The following OTULINL variants were observed in gnomAD, a reference collection of about 807,000 sequenced individuals.
OTULINL encodes the protein inactive ubiquitin thioesterase OTULINL.
OTULINL carries 42 observed loss-of-function variants against 43.9 expected under a neutral mutation model. The observed-to-expected ratio is 0.96, with a 90% CI of 0.75 to 1.24. The LOEUF is 1.24. Ranked by LOEUF, OTULINL falls within the 50% of genes most tolerant of loss-of-function variation. The pLI is 0.00. For synonymous variants in OTULINL, 172 were observed against 153.6 expected (o/e 1.12, Z -0.88); for missense variants, 411 against 426.4 (o/e 0.96, Z 0.32).
chr5:14,595,386 C>T (rs961227341), intron 1 of OTULINL, among the ~76,000 whole-genome samples: 1 of 152,200 alleles, frequency 6.6e-6, no homozygotes, highest in Non-Finnish European at 1.5e-5. Context: ...CCAGACGCTG[C>T]TGAGTTTCCA....
intron 5 of OTULINL, among the ~76,000 whole-genome samples, chr5:14,606,131 T>G (rs1008146981): frequency 6.6e-6 from 1 of 152,206 alleles, no homozygotes; most frequent in Non-Finnish European, 1.5e-5. Flanking sequence ...CAGTTCCATG[T>G]GGCTGGGGAA....
In OTULINL at chr5:14,610,560, G is replaced by A; in HGVS notation, c.*246G>A. On this transcript the variant is annotated 3_prime_UTR_variant, in exon 8 of 8. Coordinates refer to ENST00000274217, the MANE Select transcript of OTULINL (RefSeq NM_019018.3). ...CTTGACTTTGTCCATAAGGGGCGTGGCCACTTCACATGATGGCGGGCCTTT... is the reference window on the plus strand; with the variant it reads ...CTTGACTTTGTCCATAAGGGGCGTGACCACTTCACATGATGGCGGGCCTTT... 1 of 386,432 alleles carries A rather than the reference G, an allele frequency of 2.6e-6. No homozygotes were observed. Among genetic ancestry groups the A allele is most frequent in the Non-Finnish European group, 4.7e-6 (1 of 210,728 alleles). The allele number at this position is 386,432 out of a possible 1,614,324, so 23.9% of individuals were successfully genotyped here. A position where few individuals can be genotyped will look rare whatever the true frequency, so the allele number is the denominator to read the frequency against.
At chr5:14,603,130 A>G (rs1474898721) in intron 5 of OTULINL, among the ~76,000 whole-genome samples, 1 of 152,192 alleles carries the variant, frequency 6.6e-6, no homozygotes, top group Admixed American at 6.5e-5. Context: ...ATGCATGTTC[A>G]ATTGAATGTG....
intron 7 of OTULINL, 55 bp downstream of exon 7, chr5:14,609,072 T>A: frequency 1.1e-5 from 17 of 1,558,662 alleles, no homozygotes; most frequent in Non-Finnish European, 1.5e-5. Flanking sequence ...TGGCACTATT[T>A]GAACACAGAG....
At chr5:14,608,223 G>T (rs1759514446) in intron 6 of OTULINL, among the ~76,000 whole-genome samples, 1 of 152,190 alleles carries the variant, frequency 6.6e-6, no homozygotes, top group Non-Finnish European at 1.5e-5. Context: ...TTTATGGTCA[G>T]CTTAGGCTTC....
intron 1 of OTULINL, among the ~76,000 whole-genome samples, chr5:14,598,190 G>A (rs947551936): frequency 6.6e-6 from 1 of 152,190 alleles, no homozygotes; most frequent in Non-Finnish European, 1.5e-5. Flanking sequence ...GCATGTGTCC[G>A]TGGAGGGGGC....
At chr5:14,593,012 C>T (rs1759231181) in intron 1 of OTULINL, among the ~76,000 whole-genome samples, 2 of 152,192 alleles carry the variant, frequency 1.3e-5, no homozygotes, top group South Asian at 4.1e-4. Context: ...CATTCCTTTC[C>T]TCTGGAGCGT....
intron 1 of OTULINL, among the ~76,000 whole-genome samples, chr5:14,593,243 C>T (rs918339816): frequency 3.3e-5 from 5 of 152,132 alleles, no homozygotes; most frequent in African/African-American, 4.8e-5. Context: ...CAGGATGGAG[C>T]GAGTTGCCAG....
At position 14,601,110 on chromosome 5, in the gene OTULINL, G is replaced by C; in HGVS notation, c.210G>C (p.Gly70=). 1 of 1,611,544 alleles carries C rather than the reference G, an allele frequency of 6.2e-7. No homozygotes were observed. Among genetic ancestry groups the C allele is most frequent in the South Asian group, 1.1e-5 (1 of 90,528 alleles). ...CYFRRLHLYS[G]HKLKWWIGYL... ...TCCGGAGGCTACATTTATATTCAGG[G>C]CACAAGCTGAAATGGTAGGTCACTG... Residue 70 remains glycine (G), a synonymous_variant, in exon 2 of 8, where the codon GGG becomes GGC. Coordinates refer to ENST00000274217, the MANE Select transcript of OTULINL (RefSeq NM_019018.3).
chr5:14,614,799 A>G lies in OTULINL; in HGVS notation c.*4485A>G, dbSNP rs1759644272. 3 of 398,426 alleles carry G rather than the reference A, an allele frequency of 7.5e-6. No homozygotes were observed. The highest frequency in any genetic ancestry group is 1.3e-5 in the Non-Finnish European group (3 of 226,060). 24.7% of individuals were successfully genotyped at this position (398,426 alleles called of 1,614,324 possible). The stretch of plus-strand genomic sequence containing the variant: ...ACTGCTATAGAATGCTAAAGTTATA[A>G]TCCTAGCTGGTGTCTCGTTCTGTTT... On this transcript the variant is annotated 3_prime_UTR_variant, in exon 8 of 8. Coordinates refer to ENST00000274217, the MANE Select transcript of OTULINL (RefSeq NM_019018.3).
intron 5 of OTULINL, among the ~76,000 whole-genome samples, chr5:14,604,732 G>A (rs1253619608): frequency 6.6e-6 from 1 of 152,198 alleles, no homozygotes; most frequent in Non-Finnish European, 1.5e-5. Context: ...AAATCCAGCA[G>A]GGCAGTCAAA....
At chr5:14,584,283 C>A (rs920667325) in intron 1 of OTULINL, among the ~76,000 whole-genome samples, 1 of 152,156 alleles carries the variant, frequency 6.6e-6, no homozygotes, top group Non-Finnish European at 1.5e-5. Context: ...TCCATCTGTT[C>A]AGTGGTAACA....
intron 1 of OTULINL, among the ~76,000 whole-genome samples, chr5:14,592,847 T>C (rs1318219643): frequency 6.6e-6 from 1 of 152,212 alleles, no homozygotes; most frequent in Non-Finnish European, 1.5e-5. Flanking sequence ...ATCAGCCTCT[T>C]GAACGGGACC....
In OTULINL at chr5:14,581,919, C is replaced by A. The variant is rs1211545228; in HGVS notation, c.25C>A (p.Arg9=). 1.4e-6 allele frequency: 2 copies of A among 1,408,508 alleles called. No homozygotes were observed. Among genetic ancestry groups the A allele is most frequent in the Admixed American group, 2.8e-5 (1 of 36,028 alleles). The allele number at this position is 1,408,508 out of a possible 1,614,324, so 87.3% of individuals were successfully genotyped here. The change falls in exon 1 of 8, where the codon CGG becomes AGG. Residue 9 remains arginine (R), a synonymous_variant. Transcript: ENST00000274217. MAATRSPT[R]ARERERSGAP... Reference sequence around the variant, plus strand: ...CATGGCGGCGACAAGGAGCCCCACGCGGGCAAGGGAGCGGGAGCGGTCTGG... The same window carrying A: ...CATGGCGGCGACAAGGAGCCCCACGAGGGCAAGGGAGCGGGAGCGGTCTGG...
At chr5:14,588,369 G>C (rs184127436) in intron 1 of OTULINL, among the ~76,000 whole-genome samples, 2 of 152,170 alleles carry the variant, frequency 1.3e-5, no homozygotes, top group African/African-American at 4.8e-5. Flanking sequence ...CGGACCCTGA[G>C]TTCCTGACTC....
chr5:14,608,728 A>T lies in OTULINL; in HGVS notation c.628-20A>T. The T allele has an allele frequency of 6.4e-7, 1 of 1,574,790 alleles. No individual in the cohort carries two copies. On this transcript the variant is annotated intron_variant, in intron 6 of 7. Coordinates refer to ENST00000274217, the MANE Select transcript of OTULINL (RefSeq NM_019018.3). ...CTTCACCTTTATCCTTCTGAATTTC[A>T]CTTTTACATCTGTTTTTAGTGGACT...
At position 14,610,941 on chromosome 5, in the gene OTULINL, T is replaced by A. The variant is rs1052792663; in HGVS notation, c.*627T>A. 1 of 152,224 alleles carries A rather than the reference T, an allele frequency of 6.6e-6. No homozygotes were observed. Among genetic ancestry groups the A allele is most frequent in the African/African-American group, 2.4e-5 (1 of 41,456 alleles). The allele number at this position is 152,224 out of a possible 1,614,324, so 9.4% of individuals were successfully genotyped here. A position where few individuals can be genotyped will look rare whatever the true frequency, so the allele number is the denominator to read the frequency against. Reference sequence around the variant, plus strand: ...ACAGAGAACCACTACTTTGTAATAGTGTACAGTTTGTTTTATATCTCTTTA... The same window carrying A: ...ACAGAGAACCACTACTTTGTAATAGAGTACAGTTTGTTTTATATCTCTTTA... On this transcript the variant is annotated 3_prime_UTR_variant, in exon 8 of 8. Coordinates refer to ENST00000274217, the MANE Select transcript of OTULINL (RefSeq NM_019018.3).
At chr5:14,604,074 G>A (rs1445707358) in intron 5 of OTULINL, among the ~76,000 whole-genome samples, 1 of 152,202 alleles carries the variant, frequency 6.6e-6, no homozygotes, top group East Asian at 1.9e-4. Context: ...GCTTATGCCT[G>A]TAATCCCAGC....
At chr5:14,592,425 C>G in intron 1 of OTULINL, among the ~76,000 whole-genome samples, 1 of 152,192 alleles carries the variant, frequency 6.6e-6, no homozygotes, top group Non-Finnish European at 1.5e-5. Context: ...TACATCAAAA[C>G]CTGGGTGTTC....
Sources: gnomAD v4.1 joint callset for allele counts (sites outside exome capture counted in the v4.1 genomes callset) on GRCh38, gnomAD v4.1.1 for gene constraint, MANE v1.5 for transcripts, NCBI Gene and HGNC (gene_info 2026-07-23, HGNC 2026-07-21) for gene names.